Variants in BICDL2 observed in about 807,000 individuals in gnomAD.
BICDL2 encodes BICD family like cargo adaptor 2, also known as BICD family-like cargo adapter 2.
BICDL2 carries 62 observed loss-of-function variants against 56.6 expected under a neutral mutation model. That is an observed-to-expected ratio of 1.10 (90% CI 0.89 to 1.35). The LOEUF (loss-of-function observed/expected upper bound fraction) is 1.35. BICDL2 is among the 40% of genes most tolerant of loss of function. The pLI is 0.00. For missense variants in BICDL2, 808 were observed against 684.5 expected, an observed-to-expected ratio of 1.18 and a Z score of -2.01; for synonymous variants, 358 against 319.8, an observed-to-expected ratio of 1.12 and a Z score of -1.27.
At position 3,028,267 on chromosome 16, in the gene BICDL2, T is replaced by C. The variant is rs1290530439; in HGVS notation, c.1366A>G (p.Met456Val). 6.7e-7 allele frequency: 1 copy of C among 1,489,632 alleles called. No homozygotes were observed. The highest frequency in any genetic ancestry group is 1.5e-5 in the African/African-American group (1 of 68,458). The allele number at this position is 1,489,632 out of a possible 1,614,324, so 92.3% of individuals were successfully genotyped here. Residue 456 changes from methionine to valine, a missense_variant, in exon 10 of 10, where the codon ATG becomes GTG. Physicochemically the swap from Met to Val is conservative, Grantham distance 21. Coordinates refer to ENST00000572449, the MANE Select transcript of BICDL2 (RefSeq NM_001369667.1). ...TQELEAWQDD[M>V]QVVIGQQLRS... ...AGCTGCTGCCCGATCACCACCTGCA[T>C]GTCGTCCTGCGGGAGGCCGTGGTCG...
At chr16:3,029,171 C>T (rs1596481153) in intron 7 of BICDL2, 109 bp downstream of exon 7, 2 of 1,393,622 alleles carry the variant, frequency 1.4e-6, no homozygotes, top group South Asian at 2.6e-5. Context: ...GAGATGAAAG[C>T]CGATCCAGGT....
At chr16:3,033,710 G>A (rs1955687796) in intron 2 of BICDL2, among the ~76,000 whole-genome samples, 1 of 151,840 alleles carries the variant, frequency 6.6e-6, no homozygotes, top group South Asian at 2.1e-4. Flanking sequence ...GCTTGAGCTC[G>A]TGAAGTTGAG....
In BICDL2 at chr16:3,028,395, C is replaced by T; in HGVS notation, c.1312G>A (p.Ala438Thr). 1.3e-6 allele frequency: 2 copies of T among 1,551,664 alleles called. No individual in the cohort carries two copies. The highest frequency in any genetic ancestry group is 1.4e-5 in the African/African-American group (1 of 73,842). ...GTGAGCGCCACCTTCTGGCGGATGG[C>T]GCGCAGCAGCTCCCGAGACAGGGAG... ...RDSLSRELLRAIRQKVALTQE... is the reference protein window; with the variant it reads ...RDSLSRELLRTIRQKVALTQE... Residue 438 changes from alanine to threonine, a missense_variant, in exon 9 of 10, where the codon GCC (alanine) becomes ACC (threonine). Coordinates refer to ENST00000572449, the MANE Select transcript of BICDL2 (RefSeq NM_001369667.1).
Position 3,028,025 on chromosome 16 carries a change from A to T in BICDL2, c.*81T>A, listed in dbSNP as rs1233580499. 1.5e-6 allele frequency: 2 copies of T among 1,379,220 alleles called. No individual in the cohort carries two copies. The highest frequency in any genetic ancestry group is 1.9e-6 in the Non-Finnish European group (2 of 1,067,878). The allele number at this position is 1,379,220 out of a possible 1,614,324, so 85.4% of individuals were successfully genotyped here. The stretch of plus-strand genomic sequence containing the variant: ...AGGGCATCAGCTTCTTTTGGAAGAC[A>T]ATCTGGGCCCTGTCGCTCCATTGGC... On this transcript the variant is annotated 3_prime_UTR_variant, in exon 10 of 10. Transcript: ENST00000572449.
At position 3,035,196 on chromosome 16, in the gene BICDL2, C is replaced by CCCCCCCCCCA; in HGVS notation, c.282+18_282+19insTGGGGGGGGG. On this transcript the variant is annotated intron_variant, in intron 2 of 9. Transcript: ENST00000572449. Reference sequence around the variant, plus strand: ...TCCCCTGCCCACCCACCCACCCACCCCGTCCAGTGCTAGCTCACTTCCTCA... The same window carrying CCCCCCCCCCA: ...TCCCCTGCCCACCCACCCACCCACCCCCCCCCCCCACGTCCAGTGCTAGCTCACTTCCTCA... 1 of 381,878 alleles carries CCCCCCCCCCA rather than the reference C, an allele frequency of 2.6e-6. No homozygotes were observed. Among genetic ancestry groups the CCCCCCCCCCA allele is most frequent in the South Asian group, 2.0e-5 (1 of 48,838 alleles). 23.7% of individuals were successfully genotyped at this position (381,878 alleles called of 1,614,324 possible). A position where few individuals can be genotyped will look rare whatever the true frequency, so the allele number is the denominator to read the frequency against.
intron 1 of BICDL2, chr16:3,035,843 C>G (rs1454255474): frequency 2.8e-6 from 1 of 356,544 alleles, no homozygotes; most frequent in Non-Finnish European, 5.2e-6. Context: ...TCCCAGAACC[C>G]AGCAGTTTGG....
rs1242407069 is a variant in BICDL2, at chr16:3,027,741, G to C, written c.*365C>G. On this transcript the variant is annotated 3_prime_UTR_variant, in exon 10 of 10. Coordinates refer to ENST00000572449, the MANE Select transcript of BICDL2 (RefSeq NM_001369667.1). ...TTTTTTTTTTTACAATAAAGTTTCA[G>C]GCTTTTTTACCATGCTCTTTCTTTC... is the stretch of plus-strand genomic sequence containing the variant. The C allele has an allele frequency of 4.8e-6, 7 of 1,445,508 alleles. No individual in the cohort carries two copies. The highest frequency in any genetic ancestry group is 4.6e-6 in the Non-Finnish European group (5 of 1,077,730). 89.5% of individuals were successfully genotyped at this position (1,445,508 alleles called of 1,614,324 possible).
rs752932405 is a variant in BICDL2, at chr16:3,035,239, G to A, written c.258C>T (p.Ser86=). 1.4e-5 allele frequency: 21 copies of A among 1,492,022 alleles called. No homozygotes were observed. The East Asian group carries it at 1.6e-4, about 12-fold the overall frequency. The allele number at this position is 1,492,022 out of a possible 1,614,324, so 92.4% of individuals were successfully genotyped here. ...EELRRQLETL[S]AQHLEREERL... Reference sequence around the variant, plus strand: ...CTTCCTCACGCTCCAAGTGCTGGGCGCTCAGCGTCTCCAGCTGCCGCCGCA... The same window carrying A: ...CTTCCTCACGCTCCAAGTGCTGGGCACTCAGCGTCTCCAGCTGCCGCCGCA... Residue 86 remains serine (S), a synonymous_variant, in exon 2 of 10, where the codon AGC becomes AGT. Coordinates refer to ENST00000572449, the MANE Select transcript of BICDL2 (RefSeq NM_001369667.1).
intron 1 of BICDL2, chr16:3,036,368 C>T (rs1328749717): frequency 4.5e-6 from 2 of 448,284 alleles, no homozygotes; most frequent in Non-Finnish European, 9.0e-6. Context: ...TCCCCTAGGG[C>T]GGCTCAGGGG....
Position 3,029,587 on chromosome 16 carries a change from G to A in BICDL2, c.915C>T (p.Asp305=), listed in dbSNP as rs1343408555. ...CGTCGGCGCCCTGGCCCTGGTCGCC[G>A]TCGTCGAGGCTGTGGGCCAGTTCTG... is the stretch of plus-strand genomic sequence containing the variant. ...LQSELAHSLD[D]GDQGQGADAP... The change falls in exon 6 of 10, where the codon GAC becomes GAT. Residue 305 remains aspartate, a synonymous_variant. Transcript: ENST00000572449. 4 of 1,543,844 alleles carry A rather than the reference G, an allele frequency of 2.6e-6. No individual in the cohort carries two copies. Among genetic ancestry groups the A allele is most frequent in the South Asian group, 2.4e-5 (2 of 84,452 alleles).
chr16:3,029,904 C>T lies in BICDL2; in HGVS notation c.763-165G>A, dbSNP rs536994737. ...TGGGCGCCTTGGGCCGTGCACCTCC[C>T]TCAGCGGATATATACAGTTTCCTCG... is the stretch of plus-strand genomic sequence containing the variant. On this transcript the variant is annotated intron_variant, in intron 5 of 9. Coordinates refer to ENST00000572449, the MANE Select transcript of BICDL2 (RefSeq NM_001369667.1). 16 of 592,450 alleles carry T rather than the reference C, an allele frequency of 2.7e-5. No individual in the cohort carries two copies. The South Asian group carries it at 2.9e-4, about 11-fold the overall frequency. The allele number at this position is 592,450 out of a possible 1,614,324, so 36.7% of individuals were successfully genotyped here.
At chr16:3,035,176 T>TCCCCCCCCTCCCCCCCCCCC in intron 2 of BICDL2, 39 bp downstream of exon 2, 1 of 136,274 alleles carries the variant, frequency 7.3e-6, no homozygotes, top group South Asian at 2.0e-4. Context: ...CGTCCTCCCC[T>TCCCCCCCCTCCCCCCCCCCC]GCCCACCCAC....
At chr16:3,036,392 G>T (rs1423257216) in intron 1 of BICDL2, 1 of 452,642 alleles carries the variant, frequency 2.2e-6, no homozygotes, top group South Asian at 1.6e-5. Context: ...GGGTTCAGGG[G>T]CTCGGGTCAG....
intron 2 of BICDL2, 151 bp from the exon 3 acceptor site, chr16:3,031,301 G>A: frequency 3.0e-6 from 2 of 665,074 alleles, no homozygotes; most frequent in Non-Finnish European, 5.1e-6. Context: ...GGAGAGTGAG[G>A]GAGGAAGCGT....
In BICDL2 at chr16:3,035,421, A is replaced by C; in HGVS notation, c.76T>G (p.Phe26Val). The C allele has an allele frequency of 6.2e-7, 1 of 1,612,604 alleles. No homozygotes were observed. Among genetic ancestry groups the C allele is most frequent in the Non-Finnish European group, 8.5e-7 (1 of 1,179,828 alleles). ...GGASPSGDEG[F>V]FPFVLERRDS... is the part of the protein sequence containing the mutation. ...CGCCGCTCCAGCACAAAGGGGAAGAAGCCCTCGTCGCCGCTGGGAGAGGCG... is the reference window on the plus strand; with the variant it reads ...CGCCGCTCCAGCACAAAGGGGAAGACGCCCTCGTCGCCGCTGGGAGAGGCG... The change falls in exon 2 of 10, where the codon TTC becomes GTC. Residue 26 changes from phenylalanine (F) to valine (V), a missense_variant. Coordinates refer to ENST00000572449, the MANE Select transcript of BICDL2 (RefSeq NM_001369667.1).
In BICDL2 at chr16:3,028,819, C is replaced by G. The variant is rs1468608406; in HGVS notation, c.1119G>C (p.Gln373His). The G allele has an allele frequency of 1.9e-6, 3 of 1,550,482 alleles. No individual in the cohort carries two copies. The highest frequency in any genetic ancestry group is 2.6e-6 in the Non-Finnish European group (3 of 1,150,084). Residue 373 changes from glutamine to histidine, a missense_variant, in exon 8 of 10, where the codon CAG becomes CAC. By Grantham distance (24) the Gln-to-His change is conservative (BLOSUM62 0). Transcript: ENST00000572449. ...CCCGCAGGGACTGCAGCTCTGCCTG[C>G]TGCAGCGAGATCTGTGAGCAGAGGA... ...VAKLQDEISL[Q>H]QAELQSLREE...
chr16:3,034,223 C>T (rs547213105), intron 2 of BICDL2, among the ~76,000 whole-genome samples: 1 of 152,176 alleles, frequency 6.6e-6, no homozygotes, highest in African/African-American at 2.4e-5. Flanking sequence ...GACCCAAGAT[C>T]CAGAGAGGGC....
intron 2 of BICDL2, among the ~76,000 whole-genome samples, chr16:3,033,338 G>A (rs1450599442): frequency 6.6e-6 from 1 of 152,062 alleles, no homozygotes; most frequent in Non-Finnish European, 1.5e-5. Context: ...GGAAGCTGGG[G>A]ACTCAGGAGA....
At position 3,027,895 on chromosome 16, in the gene BICDL2, A is replaced by ACCTGCCCCTGCCACCCACCTGGAGCT. The variant is rs2072843517; in HGVS notation, c.*185_*210dup. 4 of 837,250 alleles carry ACCTGCCCCTGCCACCCACCTGGAGCT rather than the reference A, an allele frequency of 4.8e-6. No individual in the cohort carries two copies. Among genetic ancestry groups the ACCTGCCCCTGCCACCCACCTGGAGCT allele is most frequent in the Middle Eastern group, 3.6e-4 (1 of 2,762 alleles). The allele number at this position is 837,250 out of a possible 1,614,324, so 51.9% of individuals were successfully genotyped here. A position where few individuals can be genotyped will look rare whatever the true frequency, so the allele number is the denominator to read the frequency against. ...ATTAATTCGGAAAATAGCTCTGTTC[A>ACCTGCCCCTGCCACCCACCTGGAGCT]CCTGCCCCTGCCACCCACCTGGAGC... is the stretch of plus-strand genomic sequence containing the variant. On this transcript the variant is annotated 3_prime_UTR_variant, in exon 10 of 10. Coordinates refer to ENST00000572449, the MANE Select transcript of BICDL2 (RefSeq NM_001369667.1).
Sources: gnomAD v4.1 joint callset for allele counts (sites outside exome capture counted in the v4.1 genomes callset) on GRCh38, gnomAD v4.1.1 for gene constraint, MANE v1.5 for transcripts, NCBI Gene and HGNC (gene_info 2026-07-23, HGNC 2026-07-21) for gene names.